The following DOK6 variants were observed in gnomAD, a reference collection of about 807,000 sequenced individuals.
DOK6 encodes downstream of tyrosine kinase 6.
DOK6 carries 22 observed loss-of-function variants against 44.0 expected under a neutral mutation model. That is an observed-to-expected ratio of 0.50 (90% confidence interval 0.36 to 0.71). DOK6 has a LOEUF of 0.71. Among genes scored for constraint, DOK6 ranks in the 30% least tolerant of loss-of-function variants. The pLI, the probability that DOK6 is intolerant of heterozygous loss-of-function variation, is 0.00. For synonymous variants in DOK6, 166 were observed against 145.5 expected, an observed-to-expected ratio of 1.14 and a Z score of -1.01; for missense variants, 340 against 416.4, an observed-to-expected ratio of 0.82 and a Z score of 1.60.
intron 1 of DOK6, among the ~76,000 whole-genome samples, chr18:69,447,591 C>T (rs1979333281): frequency 1.3e-5 from 2 of 152,124 alleles, no homozygotes; most frequent in South Asian, 4.1e-4. Context: ...TTATTTCATT[C>T]ATCTCCACTA....
At chr18:69,559,566 A>G (rs2144594243) in intron 1 of DOK6, among the ~76,000 whole-genome samples, 1 of 152,208 alleles carries the variant, frequency 6.6e-6, no homozygotes, top group East Asian at 1.9e-4. Flanking sequence ...ACTGTTTTTT[A>G]CTTCCCCAAT....
At chr18:69,470,573 G>T (rs1980069753) in intron 1 of DOK6, among the ~76,000 whole-genome samples, 1 of 152,008 alleles carries the variant, frequency 6.6e-6, no homozygotes, top group Admixed American at 6.6e-5. Flanking sequence ...TCCCACCCCA[G>T]GAGACTCACT....
chr18:69,439,743 A>C (rs1264302706), intron 1 of DOK6, among the ~76,000 whole-genome samples: 1 of 152,108 alleles, frequency 6.6e-6, no homozygotes, highest in South Asian at 2.1e-4. Flanking sequence ...GGCTTAAGGG[A>C]ATGTTGTGGC....
intron 3 of DOK6, among the ~76,000 whole-genome samples, chr18:69,618,146 GC>G (rs1273016897): frequency 2.6e-5 from 4 of 152,144 alleles, no homozygotes; most frequent in African/African-American, 9.7e-5. Context: ...TTCTCCCTCA[GC>G]CCTCCAGAAG....
intron 5 of DOK6, among the ~76,000 whole-genome samples, chr18:69,708,957 C>T (rs949510421): frequency 2.6e-5 from 4 of 152,088 alleles, no homozygotes; most frequent in Admixed American, 2.0e-4. Flanking sequence ...CATTCTTTCA[C>T]GAAAAATGCT....
chr18:69,845,496 C>G lies in DOK6; in HGVS notation c.*4113C>G, dbSNP rs1479164775. 1.3e-5 allele frequency: 2 copies of G among 152,120 alleles called. No homozygotes were observed. 9.4% of individuals were successfully genotyped at this position (152,120 alleles called of 1,614,324 possible). Reference sequence around the variant, plus strand: ...AATAGCTATAACAATGGGTGACATGCCACACAAATTTAGCTTATGCAATTT... The same window carrying G: ...AATAGCTATAACAATGGGTGACATGGCACACAAATTTAGCTTATGCAATTT... On this transcript the variant is annotated 3_prime_UTR_variant, in exon 8 of 8. Transcript: ENST00000382713.
chr18:69,644,470 C>G (rs1216506045), intron 3 of DOK6, among the ~76,000 whole-genome samples: 1 of 152,100 alleles, frequency 6.6e-6, no homozygotes, highest in Non-Finnish European at 1.5e-5. Context: ...ATTATCCTGC[C>G]TATGGATGTC....
intron 3 of DOK6, among the ~76,000 whole-genome samples, chr18:69,599,948 A>G (rs535459573): frequency 3.9e-5 from 6 of 152,348 alleles, no homozygotes; most frequent in Non-Finnish European, 7.4e-5. Context: ...CAGTACTACA[A>G]GTAAATACAT....
At chr18:69,834,980 A>T (rs1982002840) in intron 7 of DOK6, among the ~76,000 whole-genome samples, 1 of 152,192 alleles carries the variant, frequency 6.6e-6, no homozygotes, top group African/African-American at 2.4e-5. Flanking sequence ...CAAATGATCA[A>T]AACAGGACCT....
At chr18:69,486,834 T>C (rs192860260) in intron 1 of DOK6, among the ~76,000 whole-genome samples, 16 of 152,314 alleles carry the variant, frequency 1.1e-4, no homozygotes, top group East Asian at 9.6e-4. Context: ...AAAAATAGCA[T>C]TGGTTTCATT....
At chr18:69,783,440 C>T (rs1980336828) in intron 7 of DOK6, among the ~76,000 whole-genome samples, 2 of 152,116 alleles carry the variant, frequency 1.3e-5, no homozygotes, top group South Asian at 4.1e-4. Flanking sequence ...ATTAATTCCA[C>T]CTCTTCCTTT....
chr18:69,550,646 A>G (rs1441993478), intron 1 of DOK6, among the ~76,000 whole-genome samples: 2 of 152,146 alleles, frequency 1.3e-5, no homozygotes, highest in Non-Finnish European at 2.9e-5. Flanking sequence ...AAAATTATGA[A>G]GTGTATGGAG....
At chr18:69,409,289 G>A (rs1166008500) in intron 1 of DOK6, among the ~76,000 whole-genome samples, 1 of 152,152 alleles carries the variant, frequency 6.6e-6, no homozygotes, top group African/African-American at 2.4e-5. Context: ...TCTCTGGTAT[G>A]TTCTTACAGC....
At chr18:69,655,388 G>T (rs1043329403) in intron 3 of DOK6, among the ~76,000 whole-genome samples, 5 of 152,076 alleles carry the variant, frequency 3.3e-5, no homozygotes, top group African/African-American at 9.7e-5. Flanking sequence ...AAATGGAAAG[G>T]ATTAAATAAA....
intron 1 of DOK6, among the ~76,000 whole-genome samples, chr18:69,529,677 G>T (rs1981930591): frequency 6.6e-6 from 1 of 152,042 alleles, no homozygotes. Flanking sequence ...AAATTGAAAA[G>T]ACCTCTTTTC....
At chr18:69,586,425 G>A (rs774656348) in intron 2 of DOK6, among the ~76,000 whole-genome samples, 5 of 152,250 alleles carry the variant, frequency 3.3e-5, no homozygotes, top group East Asian at 1.9e-4. Context: ...GCCCTCTGCC[G>A]TGCTACTCTT....
Position 69,845,366 on chromosome 18 carries a change from T to G in DOK6, c.*3983T>G, listed in dbSNP as rs373790215. On this transcript the variant is annotated 3_prime_UTR_variant, in exon 8 of 8. Transcript: ENST00000382713. ...GTTTCTCCAATCCTGTGATCATGTC[T>G]GTAAATACCTTGCAATTTCAAATTA... 18 of 152,350 alleles carry G rather than the reference T, an allele frequency of 1.2e-4. No individual in the cohort carries two copies. The highest frequency in any genetic ancestry group is 4.1e-4 in the African/African-American group (17 of 41,580). 9.4% of individuals were successfully genotyped at this position (152,350 alleles called of 1,614,324 possible). A position where few individuals can be genotyped will look rare whatever the true frequency, so the allele number is the denominator to read the frequency against.
At chr18:69,575,301 T>C (rs1245300739) in intron 2 of DOK6, among the ~76,000 whole-genome samples, 1 of 152,066 alleles carries the variant, frequency 6.6e-6, no homozygotes, top group Admixed American at 6.6e-5. Context: ...ATGAGGCATC[T>C]ATGGTATATT....
chr18:69,800,742 C>G (rs986685131), intron 7 of DOK6, among the ~76,000 whole-genome samples: 2 of 152,136 alleles, frequency 1.3e-5, no homozygotes, highest in Non-Finnish European at 2.9e-5. Context: ...AACCACTGAG[C>G]AGTTTGGACA....
Sources: allele counts gnomAD v4.1 joint callset (sites outside exome capture counted in the v4.1 genomes callset), GRCh38; gene constraint gnomAD v4.1.1; transcripts MANE v1.5; gene names NCBI Gene and HGNC (gene_info 2026-07-23, HGNC 2026-07-21).